SPRED3: variants seen among roughly 807,000 people sequenced by gnomAD.
SPRED3 encodes the protein sprouty-related, EVH1 domain-containing protein 3.
A neutral mutation model predicts 37.6 loss-of-function variants in SPRED3; 23 were observed. That is an observed-to-expected ratio of 0.61 (90% CI 0.44 to 0.87). SPRED3 has a LOEUF of 0.87. SPRED3 is among the 40% of genes least tolerant of loss of function. The pLI, the probability that SPRED3 is intolerant of heterozygous loss-of-function variation, is 0.00. For synonymous variants in SPRED3, 302 were observed against 279.6 expected, an observed-to-expected ratio of 1.08 and a Z score of -0.80; for missense variants, 584 against 618.6, an observed-to-expected ratio of 0.94 and a Z score of 0.59.
At chr19:38,391,010 AG>A (rs1366619299) in intron 2 of SPRED3, among the ~76,000 whole-genome samples, 5 of 152,014 alleles carry the variant, frequency 3.3e-5, no homozygotes, top group African/African-American at 1.2e-4. Flanking sequence ...AGTTTCAGCT[AG>A]GGATGTAGTA....
At chr19:38,394,438 A>G in intron 4 of SPRED3, 1 of 1,509,434 alleles carries the variant, frequency 6.6e-7, no homozygotes, top group Non-Finnish European at 9.2e-7. Flanking sequence ...TACTCTTAGG[A>G]TCCCCGTTTT....
In SPRED3 at chr19:38,395,616, C is replaced by A; in HGVS notation, c.704C>A (p.Ser235Tyr). ...RSGPPAPLAL[S>Y]TCVVRFAKTG... ...GGGCCACCCGCGCCCCTCGCCCTGTCCACCTGCGTCGTGCGCTTCGCCAAG... is the reference window on the plus strand; with the variant it reads ...GGGCCACCCGCGCCCCTCGCCCTGTACACCTGCGTCGTGCGCTTCGCCAAG... Residue 235 changes from serine (S) to tyrosine (Y), a missense_variant, in exon 6 of 6, where the codon TCC becomes TAC. Physicochemically the swap from Ser to Tyr is moderately radical, Grantham distance 144. Around this residue, in one of 7 missense-constraint regions of SPRED3, gnomAD observed 310 missense variants for 281.1 expected, o/e 1.10. Coordinates refer to ENST00000691638, the MANE Select transcript of SPRED3 (RefSeq NM_001394336.1). This position sits in a 1 kb window ranked among gnomAD's most constrained non-coding sequence, Gnocchi z 5.2. The A allele has an allele frequency of 2.6e-6, 4 of 1,548,192 alleles. No homozygotes were observed. Among genetic ancestry groups the A allele is most frequent in the South Asian group, 1.2e-5 (1 of 83,986 alleles).
intron 4 of SPRED3, chr19:38,392,714 G>A: frequency 6.5e-6 from 1 of 153,356 alleles, no homozygotes; most frequent in East Asian, 1.9e-4. Context: ...AAATCTTGGA[G>A]TCATCCCTGA....
chr19:38,396,418 G>T lies in SPRED3; in HGVS notation c.*273G>T, dbSNP rs886470980. ...CACACCCCACGAGGAGGCTCCAGGC[G>T]TCCCCATACTTTGCATCTCAGAAAG... On this transcript the variant is annotated 3_prime_UTR_variant, in exon 6 of 6. Transcript: ENST00000691638. The T allele has an allele frequency of 3.5e-6, 1 of 283,962 alleles. No homozygotes were observed. The highest frequency in any genetic ancestry group is 6.0e-5 in the East Asian group (1 of 16,768). 17.6% of individuals were successfully genotyped at this position (283,962 alleles called of 1,614,324 possible).
At chr19:38,392,547 G>A (rs1970846081) in intron 4 of SPRED3, 1 of 389,278 alleles carries the variant, frequency 2.6e-6, no homozygotes, top group Non-Finnish European at 4.5e-6. Context: ...TTACATCAGT[G>A]AACAAAAAGT....
intron 4 of SPRED3, 133 bp from the exon 5 acceptor site, chr19:38,394,510 C>G: frequency 6.5e-7 from 1 of 1,538,780 alleles, no homozygotes. Flanking sequence ...CACAACCAGT[C>G]AGTGACAGAG....
intron 4 of SPRED3, among the ~76,000 whole-genome samples, chr19:38,394,148 G>A (rs1038118577): frequency 1.3e-5 from 2 of 152,244 alleles, no homozygotes; most frequent in Non-Finnish European, 2.9e-5. Flanking sequence ...GCTAGTTTCA[G>A]AACAGAGGCT....
chr19:38,390,559 A>C, intron 2 of SPRED3, 80 bp downstream of exon 2: 2 of 1,158,536 alleles, frequency 1.7e-6, no homozygotes, highest in Non-Finnish European at 2.2e-6. Context: ...AGCAGAGGTC[A>C]GGTTGCCTCC....
chr19:38,388,952 A>C, intron 1 of SPRED3, 145 bp downstream of exon 1: 1 of 392,478 alleles, frequency 2.5e-6, no homozygotes, highest in Non-Finnish European at 4.5e-6. Flanking sequence ...GACCCCCCAA[A>C]CTGCGCGGCA....
In SPRED3 at chr19:38,395,725, C is replaced by G; in HGVS notation, c.813C>G (p.Pro271=). 1 of 1,454,066 alleles carries G rather than the reference C, an allele frequency of 6.9e-7. No homozygotes were observed. Among genetic ancestry groups the G allele is most frequent in the Non-Finnish European group, 9.0e-7 (1 of 1,114,470 alleles). The allele number at this position is 1,454,066 out of a possible 1,614,324, so 90.1% of individuals were successfully genotyped here. ...PLTEAAPPAP[P]ARPPPGPGPS... is the part of the protein sequence containing the mutation. Reference sequence around the variant, plus strand: ...CCGAGGCTGCGCCCCCAGCGCCCCCCGCTCGCCCACCCCCCGGCCCGGGCC... The same window carrying G: ...CCGAGGCTGCGCCCCCAGCGCCCCCGGCTCGCCCACCCCCCGGCCCGGGCC... The change falls in exon 6 of 6, where the codon CCC becomes CCG. Residue 271 remains proline (P), a synonymous_variant. Transcript: ENST00000691638. The surrounding 1 kb of genome is among the most constrained non-coding windows in gnomAD (Gnocchi z 5.2).
Position 38,390,383 on chromosome 19 carries a change from C to T in SPRED3, c.81C>T (p.Ser27=). The T allele has an allele frequency of 7.2e-7, 1 of 1,390,572 alleles. No homozygotes were observed. Among genetic ancestry groups the T allele is most frequent in the Middle Eastern group, 1.9e-4 (1 of 5,142 alleles). 86.1% of individuals were successfully genotyped at this position (1,390,572 alleles called of 1,614,324 possible). Residue 27 remains serine, a synonymous_variant, in exon 2 of 6, where the codon AGC becomes AGT. Coordinates refer to ENST00000691638, the MANE Select transcript of SPRED3 (RefSeq NM_001394336.1). ...TGCCTGTGGGGGGCGGGGGCCTCAG[C>T]CAGGTGAGCGTGTGTCGGGTCCGAG... is the stretch of plus-strand genomic sequence containing the variant. ...GWLPVGGGGL[S]QVSVCRVRGA...
In SPRED3 at chr19:38,391,971, C is replaced by G. The variant is rs1326265736; in HGVS notation, c.203C>G (p.Pro68Arg). Residue 68 changes from proline (P) to arginine (R), a missense_variant, in exon 3 of 6, where the codon CCA becomes CGA. Around this residue, in one of 7 missense-constraint regions of SPRED3, gnomAD observed 88 missense variants for 77.0 expected, o/e 1.14. Transcript: ENST00000691638. ...QKTTLECTLK[P>R]GLVYNKVNPI... ...ACAACCTTGGAGTGTACACTGAAGC[C>G]AGGCTTGGTTTACAACAAGGTGAAT... is the stretch of plus-strand genomic sequence containing the variant. 1.9e-6 allele frequency: 3 copies of G among 1,614,118 alleles called. No individual in the cohort carries two copies. The highest frequency in any genetic ancestry group is 2.5e-6 in the Non-Finnish European group (3 of 1,180,022).
rs762535438 is a variant in SPRED3, at chr19:38,394,745, G to C, written c.526G>C (p.Gly176Arg). Residue 176 changes from glycine to arginine, a missense_variant, in exon 5 of 6, where the codon GGG becomes CGG. Gly to Arg is a moderately radical substitution (Grantham distance 125, BLOSUM62 -2). Around this residue, in one of 7 missense-constraint regions of SPRED3, gnomAD observed 310 missense variants for 281.1 expected, o/e 1.10. Transcript: ENST00000691638. ...IITMESASGF[G>R]PTTPPQRRRS... is the part of the protein sequence containing the mutation. Reference sequence around the variant, plus strand: ...CACGATGGAGTCAGCTTCAGGCTTCGGGCCGACCACGCCCCCCCAGCGCCG... The same window carrying C: ...CACGATGGAGTCAGCTTCAGGCTTCCGGCCGACCACGCCCCCCCAGCGCCG... 1.5e-5 allele frequency: 23 copies of C among 1,583,614 alleles called. No individual in the cohort carries two copies. The East Asian group carries it at 2.0e-4, about 14-fold the overall frequency.
chr19:38,391,812 C>A, intron 2 of SPRED3, 134 bp from the exon 3 acceptor site: 2 of 1,027,818 alleles, frequency 1.9e-6, no homozygotes, highest in Non-Finnish European at 2.9e-6. Flanking sequence ...GATCAGAGTT[C>A]AGGGTTACAC....
chr19:38,390,430 C>A lies in SPRED3; in HGVS notation c.128C>A (p.Ala43Asp). ...RVRGARPEGGARQGHYVIHGE... is the reference protein window; with the variant it reads ...RVRGARPEGGDRQGHYVIHGE... ...CGAGGGGCCAGGCCCGAGGGGGGGG[C>A]CCGCCAGGGGCACTACGTCATCCAC... The change falls in exon 2 of 6, where the codon GCC (alanine) becomes GAC (aspartate). Residue 43 changes from alanine to aspartate, a missense_variant. Physicochemically the swap from Ala to Asp is moderately radical, Grantham distance 126. Transcript: ENST00000691638. 7.1e-7 allele frequency: 1 copy of A among 1,399,444 alleles called. No individual in the cohort carries two copies. 86.7% of individuals were successfully genotyped at this position (1,399,444 alleles called of 1,614,324 possible).
In SPRED3 at chr19:38,395,700, C is replaced by T; in HGVS notation, c.788C>T (p.Thr263Ile). Residue 263 changes from threonine to isoleucine, a missense_variant, in exon 6 of 6, where the codon ACC (threonine) becomes ATC (isoleucine). Physicochemically the swap from Thr to Ile is moderately conservative, Grantham distance 89 (BLOSUM62 -1). This residue lies in a region of SPRED3 where 310 missense variants were observed against 281.1 expected (regional missense o/e 1.10). Transcript: ENST00000691638. The surrounding 1 kb of genome is among the most constrained non-coding windows in gnomAD (Gnocchi z 5.2). The part of the protein sequence containing the change: ...GPPAALPAPL[T>I]EAAPPAPPAR... ...CCAGCGGCACTACCTGCCCCTTTGA[C>T]CGAGGCTGCGCCCCCAGCGCCCCCC... The T allele has an allele frequency of 6.8e-7, 1 of 1,471,960 alleles. No homozygotes were observed. The highest frequency in any genetic ancestry group is 2.9e-5 in the East Asian group (1 of 34,898). 91.2% of individuals were successfully genotyped at this position (1,471,960 alleles called of 1,614,324 possible).
Position 38,395,737 on chromosome 19 carries a change from C to T in SPRED3, c.825C>T (p.Pro275=), listed in dbSNP as rs774706649. Reference sequence around the variant, plus strand: ...CCCCAGCGCCCCCCGCTCGCCCACCCCCCGGCCCGGGCCCATCCTCTGCGC... The same window carrying T: ...CCCCAGCGCCCCCCGCTCGCCCACCTCCCGGCCCGGGCCCATCCTCTGCGC... ...AAPPAPPARP[P]PGPGPSSAPA... Residue 275 remains proline, a synonymous_variant, in exon 6 of 6, where the codon CCC becomes CCT. Transcript: ENST00000691638. The surrounding 1 kb of genome is among the most constrained non-coding windows in gnomAD (Gnocchi z 5.2). 1.6e-5 allele frequency: 24 copies of T among 1,459,438 alleles called. No homozygotes were observed. In the South Asian group the frequency reaches 3.0e-4, roughly 18 times the overall value. The allele number at this position is 1,459,438 out of a possible 1,614,324, so 90.4% of individuals were successfully genotyped here.
chr19:38,394,753 C>T lies in SPRED3; in HGVS notation c.534C>T (p.Thr178=), dbSNP rs1223462557. ...TMESASGFGP[T]TPPQRRRSSA... ...AGTCAGCTTCAGGCTTCGGGCCGAC[C>T]ACGCCCCCCCAGCGCCGCCGCTCCT... Residue 178 remains threonine (T), a synonymous_variant, in exon 5 of 6, where the codon ACC becomes ACT. Transcript: ENST00000691638. The T allele has an allele frequency of 2.5e-6, 4 of 1,578,402 alleles. No homozygotes were observed. The South Asian group carries it at 3.5e-5, about 14-fold the overall frequency.
In SPRED3 at chr19:38,395,326, T is replaced by C. The variant is rs935094017; in HGVS notation, c.568-154T>C. 6.6e-6 allele frequency among the ~76,000 whole-genome samples: 1 copy of C among 152,114 alleles called. No individual in the cohort carries two copies. Among genetic ancestry groups the C allele is most frequent in the African/African-American group, 2.4e-5 (1 of 41,416 alleles). ...GTTGGTGCGTGGATTCCTCTGTCTG[T>C]CCCTGGAGAAAAGTGGGGATTGAGG... On this transcript the variant is annotated intron_variant, in intron 5 of 5. Coordinates refer to ENST00000691638, the MANE Select transcript of SPRED3 (RefSeq NM_001394336.1). This position sits in a 1 kb window ranked among gnomAD's most constrained non-coding sequence, Gnocchi z 5.2.
Sources: allele counts gnomAD v4.1 joint callset (sites outside exome capture counted in the v4.1 genomes callset), GRCh38; gene constraint gnomAD v4.1.1; regional missense constraint gnomAD v4.1.1; non-coding constraint Gnocchi (gnomAD v3.1); transcripts MANE v1.5; gene names NCBI Gene and HGNC (gene_info 2026-07-23, HGNC 2026-07-21).